The following MPRIP variants were observed in gnomAD, a reference collection of about 807,000 sequenced individuals.
The protein encoded by MPRIP is myosin phosphatase Rho-interacting protein.
Under a neutral mutation model 234.9 loss-of-function variants are expected in MPRIP, and 59 were observed. That is an observed-to-expected ratio of 0.25 (90% CI 0.20 to 0.31). The LOEUF is 0.31. MPRIP is among the 10% of genes least tolerant of loss of function. The pLI is 1.00. For synonymous variants in MPRIP, 1,144 were observed against 1,263.9 expected, an observed-to-expected ratio of 0.91 and a Z score of 2.01; for missense variants, 2,436 against 3,071.0, an observed-to-expected ratio of 0.79 and a Z score of 4.89.
intron 13 of MPRIP, 126 bp from the exon 14 acceptor site, chr17:17,158,306 G>A (rs974820181): frequency 1.3e-6 from 1 of 773,706 alleles, no homozygotes; most frequent in Non-Finnish European, 2.1e-6. Flanking sequence ...AGGAAGCTGG[G>A]ATTAGGATAG....
chr17:17,081,494 TTAC>T (rs1417031763), intron 3 of MPRIP, among the ~76,000 whole-genome samples: 1 of 152,198 alleles, frequency 6.6e-6, no homozygotes, highest in Middle Eastern at 3.2e-3. Context: ...CCTTTAGGGA[TTAC>T]TCAGCAGAAG....
intron 13 of MPRIP, among the ~76,000 whole-genome samples, chr17:17,155,840 C>T (rs552774699): frequency 6.6e-6 from 1 of 152,374 alleles, no homozygotes; most frequent in African/African-American, 2.4e-5. Flanking sequence ...CAAGCTCTCC[C>T]ACCCTCCAGG....
At chr17:17,182,127 A>G (rs976487906) in intron 23 of MPRIP, 8 of 152,262 alleles carry the variant, frequency 5.3e-5, no homozygotes, top group East Asian at 1.9e-4. Context: ...AGGCACAGGC[A>G]TGGGTGGGTG....
chr17:17,075,392 G>A (rs2089303893), intron 1 of MPRIP, among the ~76,000 whole-genome samples: 2 of 151,556 alleles, frequency 1.3e-5, no homozygotes, highest in South Asian at 4.2e-4. Context: ...CATATTTGTT[G>A]AATAACATGT....
rs2045953301 is a variant in MPRIP, at chr17:17,165,008, G to T, written c.3417G>T (p.Glu1139Asp). 1 of 1,301,724 alleles carries T rather than the reference G, an allele frequency of 7.7e-7. No homozygotes were observed. Among genetic ancestry groups the T allele is most frequent in the Non-Finnish European group, 1.0e-6 (1 of 988,834 alleles). The allele number at this position is 1,301,724 out of a possible 1,614,324, so 80.6% of individuals were successfully genotyped here. A position where few individuals can be genotyped will look rare whatever the true frequency, so the allele number is the denominator to read the frequency against. The change falls in exon 16 of 24, where the codon GAG becomes GAT. Residue 1139 changes from glutamate to aspartate, a missense_variant. Physicochemically the swap from Glu to Asp is conservative, Grantham distance 45. Coordinates refer to ENST00000651222, the MANE Select transcript of MPRIP (RefSeq NM_001364716.4). ...AELREKLRRR[E>D]ADNQSLEHSY... ...TCCGGGAAAAGCTGAGGAGAAGAGAGGCTGACAACCAGAGCCTGGAGCACT... is the reference window on the plus strand; with the variant it reads ...TCCGGGAAAAGCTGAGGAGAAGAGATGCTGACAACCAGAGCCTGGAGCACT...
intron 3 of MPRIP, among the ~76,000 whole-genome samples, chr17:17,116,812 C>G (rs1567725555): frequency 6.6e-6 from 1 of 152,212 alleles, no homozygotes; most frequent in African/African-American, 2.4e-5. Flanking sequence ...GAGGGGCAGA[C>G]CCTGCTCTCC....
chr17:17,042,777 C>T lies in MPRIP; in HGVS notation c.-72C>T. 1 of 1,013,708 alleles carries T rather than the reference C, an allele frequency of 9.9e-7. No individual in the cohort carries two copies. The highest frequency in any genetic ancestry group is 1.7e-5 in the African/African-American group (1 of 57,148). 62.8% of individuals were successfully genotyped at this position (1,013,708 alleles called of 1,614,324 possible). A position where few individuals can be genotyped will look rare whatever the true frequency, so the allele number is the denominator to read the frequency against. On this transcript the variant is annotated 5_prime_UTR_variant, in exon 1 of 24. Transcript: ENST00000651222. ...GATGCGGCGCGGCCGCGCTGAGCCC[C>T]TAGCCCGCCGGGAGCGCCAGGCCGG...
chr17:17,102,603 G>A (rs1184060795), intron 3 of MPRIP, among the ~76,000 whole-genome samples: 1 of 152,188 alleles, frequency 6.6e-6, no homozygotes, highest in Non-Finnish European at 1.5e-5. Flanking sequence ...GGGTCATTAA[G>A]GAGGTAGTGA....
intron 1 of MPRIP, among the ~76,000 whole-genome samples, chr17:17,067,489 C>T (rs1035350491): frequency 3.3e-5 from 5 of 152,078 alleles, no homozygotes; most frequent in East Asian, 3.9e-4. Context: ...TGGAGCAGGA[C>T]GATGCAAGAT....
At chr17:17,125,616 G>A (rs542325093) in intron 3 of MPRIP, among the ~76,000 whole-genome samples, 2 of 152,206 alleles carry the variant, frequency 1.3e-5, no homozygotes, top group East Asian at 1.9e-4. Flanking sequence ...GAAGAAGGTC[G>A]GGGTGTGGAG....
At chr17:17,131,538 A>T in intron 4 of MPRIP, 79 bp from the exon 5 acceptor site, 1 of 1,249,196 alleles carries the variant, frequency 8.0e-7, no homozygotes, top group Non-Finnish European at 1.2e-6. Context: ...CTACTCCTGG[A>T]CCACCCGGCA....
At chr17:17,131,921 C>A (rs1451624006) in intron 5 of MPRIP, among the ~76,000 whole-genome samples, 2 of 152,204 alleles carry the variant, frequency 1.3e-5, no homozygotes, top group East Asian at 3.9e-4. Flanking sequence ...TGCTCTGGGG[C>A]TGCCCAAGGG....
chr17:17,144,825 C>T (rs1002479825), intron 9 of MPRIP, among the ~76,000 whole-genome samples: 2 of 152,152 alleles, frequency 1.3e-5, no homozygotes, highest in Non-Finnish European at 2.9e-5. Flanking sequence ...CACTGCACTC[C>T]GGCCTGGCGA....
intron 3 of MPRIP, among the ~76,000 whole-genome samples, chr17:17,082,342 C>G (rs1184538308): frequency 8.3e-6 from 1 of 120,530 alleles, no homozygotes; most frequent in African/African-American, 3.1e-5. Flanking sequence ...GTTGCCCAGG[C>G]TGGAGTGCAA....
chr17:17,151,536 C>CT (rs2045602950), intron 12 of MPRIP, among the ~76,000 whole-genome samples: 7 of 152,308 alleles, frequency 4.6e-5, no homozygotes, highest in Admixed American at 3.9e-4. Flanking sequence ...TGAACTCCAC[C>CT]TAAAGCCCTT....
chr17:17,052,029 C>A (rs934433142), intron 1 of MPRIP, among the ~76,000 whole-genome samples: 1 of 152,252 alleles, frequency 6.6e-6, no homozygotes, highest in Admixed American at 6.5e-5. Context: ...TTCACACAGA[C>A]CTCAGCAGGC....
intron 5 of MPRIP, among the ~76,000 whole-genome samples, chr17:17,133,173 AC>A (rs755783154): frequency 1.7e-4 from 26 of 152,102 alleles, no homozygotes; most frequent in Admixed American, 9.2e-4. Flanking sequence ...TGGGTAGGTT[AC>A]CCACTTCACT....
chr17:17,136,960 C>G lies in MPRIP; in HGVS notation c.736+510C>G, dbSNP rs183579319. On this transcript the variant is annotated intron_variant, in intron 6 of 23. Transcript: ENST00000651222. ...AATTACCTGAGCAGGAGCAGGTCTTCCATCTTTGTCTGTCTTGTTCCCAGG... is the reference window on the plus strand; with the variant it reads ...AATTACCTGAGCAGGAGCAGGTCTTGCATCTTTGTCTGTCTTGTTCCCAGG... Among the ~76,000 whole-genome samples the G allele has an allele frequency of 5.3e-5, 8 of 152,272 alleles. No homozygotes were observed. In the East Asian group the frequency reaches 1.5e-3, roughly 29 times the overall value.
At chr17:17,067,790 CTTTTT>C (rs35187618) in intron 1 of MPRIP, among the ~76,000 whole-genome samples, 63 of 76,768 alleles carry the variant, frequency 8.2e-4, no homozygotes, top group East Asian at 3.6e-3. Context: ...CTTCTTCTTC[CTTTTT>C]TTTTTTTTTT....
Sources: allele counts gnomAD v4.1 joint callset (sites outside exome capture counted in the v4.1 genomes callset), GRCh38; gene constraint gnomAD v4.1.1; transcripts MANE v1.5; gene names NCBI Gene and HGNC (gene_info 2026-07-23, HGNC 2026-07-21).